The following RRN3 variants were observed in gnomAD, a reference collection of about 807,000 sequenced individuals.
The protein encoded by RRN3 is RNA polymerase I transcription factor RRN3.
Under a neutral mutation model 82.3 loss-of-function variants are expected in RRN3, and 38 were observed. The observed-to-expected ratio is 0.46, with a 90% CI of 0.36 to 0.61. The LOEUF (loss-of-function observed/expected upper bound fraction) is 0.61, where lower values mean the gene tolerates loss of function less well. Ranked by LOEUF, RRN3 falls within the 20% of genes least tolerant of loss-of-function variation. The pLI is 0.00. For missense variants in RRN3, 726 were observed against 793.1 expected, an observed-to-expected ratio of 0.92 and a Z score of 1.02; for synonymous variants, 284 against 284.3, an observed-to-expected ratio of 1.00 and a Z score of 0.01.
At chr16:15,077,690 A>G (rs1428634036) in intron 9 of RRN3, among the ~76,000 whole-genome samples, 3 of 152,122 alleles carry the variant, frequency 2.0e-5, no homozygotes, top group African/African-American at 4.8e-5. Context: ...AAATACAAAA[A>G]ATTAGCCGGG....
intron 3 of RRN3, among the ~76,000 whole-genome samples, chr16:15,089,497 T>C (rs1351851604): frequency 1.3e-5 from 2 of 151,750 alleles, no homozygotes; most frequent in African/African-American, 2.4e-5. Flanking sequence ...TATCAAGAAA[T>C]ACTAGCGATT....
rs1273359479 is a variant in RRN3 at position 15,062,037 on chromosome 16, A to T, written c.1795-132T>A. 8.6e-6 allele frequency: 8 copies of T among 927,688 alleles called. No individual in the cohort carries two copies. In the Admixed American group the frequency reaches 2.1e-4, roughly 24 times the overall value. The allele number at this position is 927,688 out of a possible 1,614,324, so 57.5% of individuals were successfully genotyped here. The stretch of plus-strand genomic sequence containing the variant: ...AATATCTTAATTTCAAAAGAAAGCC[A>T]GTGTAGTGGCACACGCCTGTAGTCC... On this transcript the variant is annotated intron_variant, in intron 17 of 17. Coordinates refer to ENST00000198767, the MANE Select transcript of RRN3 (RefSeq NM_018427.5).
chr16:15,077,573 G>A (rs1424839318), intron 9 of RRN3, among the ~76,000 whole-genome samples: 2 of 152,214 alleles, frequency 1.3e-5, no homozygotes, highest in Non-Finnish European at 1.5e-5. Context: ...CAGGTGCAGT[G>A]GCTCACGCCT....
chr16:15,077,714 G>A (rs1215585381), intron 9 of RRN3, among the ~76,000 whole-genome samples: 3 of 152,174 alleles, frequency 2.0e-5, no homozygotes, highest in African/African-American at 7.2e-5. Context: ...GGTGGCATGT[G>A]CCTGTAATCC....
At chr16:15,080,471 C>G (rs554521105) in intron 8 of RRN3, among the ~76,000 whole-genome samples, 1 of 152,276 alleles carries the variant, frequency 6.6e-6, no homozygotes, top group South Asian at 2.1e-4. Flanking sequence ...GTCTTGCTCT[C>G]TCTCTCAGGA....
rs537801538 is a variant in RRN3 at position 15,068,973 on chromosome 16, A to G, written c.1445-696T>C. ...GGATGTCACAGCTTACAAAAACAAG[A>G]TATTTAATCCAGATTCCTGGCATTA... is the stretch of plus-strand genomic sequence containing the variant. On this transcript the variant is annotated intron_variant, in intron 14 of 17. Transcript: ENST00000198767. Among the ~76,000 whole-genome samples, 6 of 152,360 alleles carry G rather than the reference A, an allele frequency of 3.9e-5. 1 individual carries two copies. In the South Asian group the frequency reaches 1.0e-3, roughly 26 times the overall value.
rs1279128637 is a variant in RRN3, at chr16:15,060,208, T to A, written c.*1536A>T. The A allele has an allele frequency of 5.1e-6, 2 of 393,624 alleles. No homozygotes were observed. The highest frequency in any genetic ancestry group is 2.1e-5 in the African/African-American group (1 of 47,598). The allele number at this position is 393,624 out of a possible 1,614,324, so 24.4% of individuals were successfully genotyped here. ...AACCCACAAAGACCCCACTTACTAC[T>A]AATTTCTGGGGAATTTCGTTTACTC... On this transcript the variant is annotated 3_prime_UTR_variant, in exon 18 of 18. Transcript: ENST00000198767.
chr16:15,080,431 C>T (rs553607651), intron 8 of RRN3, among the ~76,000 whole-genome samples: 2 of 152,220 alleles, frequency 1.3e-5, no homozygotes, highest in South Asian at 4.2e-4. Flanking sequence ...TAATCAATTT[C>T]AGAACATTTA....
At chr16:15,085,461 C>A (rs1414480235) in intron 6 of RRN3, among the ~76,000 whole-genome samples, 178 bp downstream of exon 6, 2 of 152,056 alleles carry the variant, frequency 1.3e-5, no homozygotes, top group Non-Finnish European at 2.9e-5. Context: ...CTACTTTAAG[C>A]CTTTTTTAAG....
rs1266296473 is a variant in RRN3, at chr16:15,063,258, A to G, written c.1732T>C (p.Tyr578His). The change falls in exon 17 of 18, where the codon TAT (tyrosine) becomes CAT (histidine). Residue 578 changes from tyrosine (Y) to histidine (H), a missense_variant. Physicochemically the swap from Tyr to His is moderately conservative, Grantham distance 83. Coordinates refer to ENST00000198767, the MANE Select transcript of RRN3 (RefSeq NM_018427.5). ...KRSKKFIDPIYQVWEDMSAEE... is the reference protein window; with the variant it reads ...KRSKKFIDPIHQVWEDMSAEE... ...GCACTCATGTCTTCCCACACCTGATAAATAGGATCAATGAATTTCTTTGAC... is the reference window on the plus strand; with the variant it reads ...GCACTCATGTCTTCCCACACCTGATGAATAGGATCAATGAATTTCTTTGAC... The G allele has an allele frequency of 6.2e-7, 1 of 1,613,382 alleles. No homozygotes were observed. Among genetic ancestry groups the G allele is most frequent in the South Asian group, 1.1e-5 (1 of 91,056 alleles).
intron 17 of RRN3, among the ~76,000 whole-genome samples, 196 bp downstream of exon 17, chr16:15,063,000 C>T (rs1393810343): frequency 3.3e-5 from 5 of 152,178 alleles, no homozygotes; most frequent in East Asian, 1.9e-4. Flanking sequence ...TGCACCACCA[C>T]GCCCAGCTAA....
intron 10 of RRN3, among the ~76,000 whole-genome samples, chr16:15,075,394 G>T (rs1221194805): frequency 6.6e-6 from 1 of 152,074 alleles, no homozygotes; most frequent in Non-Finnish European, 1.5e-5. Context: ...GCAACACAGT[G>T]AGACCTGTCT....
At chr16:15,076,717 G>A in intron 9 of RRN3, 67 bp from the exon 10 acceptor site, 2 of 1,163,390 alleles carry the variant, frequency 1.7e-6, no homozygotes, top group Non-Finnish European at 2.6e-6. Context: ...ATTTTGGGAT[G>A]GAAATTCATC....
chr16:15,085,562 C>G, intron 6 of RRN3, 77 bp downstream of exon 6: 1 of 1,574,184 alleles, frequency 6.4e-7, no homozygotes, highest in Non-Finnish European at 8.6e-7. Context: ...AAGTGATCCT[C>G]CCGTCTTGGC....
chr16:15,077,899 G>C (rs2045533689), intron 9 of RRN3, among the ~76,000 whole-genome samples: 1 of 152,150 alleles, frequency 6.6e-6, no homozygotes, highest in Non-Finnish European at 1.5e-5. Context: ...TTTATCAGCA[G>C]TGTGAAAATG....
chr16:15,093,970 T>G lies in RRN3; in HGVS notation c.89+175A>C. On this transcript the variant is annotated intron_variant, in intron 1 of 17. Coordinates refer to ENST00000198767, the MANE Select transcript of RRN3 (RefSeq NM_018427.5). ...TAGTCACTTTTCCAGGCCCCACCCA[T>G]GTCTATTACCCAGTTAGGAGGAATG... 4.7e-6 allele frequency: 3 copies of G among 642,376 alleles called. No individual in the cohort carries two copies. The South Asian group carries it at 5.4e-5, about 12-fold the overall frequency. The allele number at this position is 642,376 out of a possible 1,614,324, so 39.8% of individuals were successfully genotyped here.
intron 5 of RRN3, 109 bp from the exon 6 acceptor site, chr16:15,085,807 T>G: frequency 2.0e-6 from 3 of 1,465,704 alleles, no homozygotes; most frequent in Non-Finnish European, 2.8e-6. Context: ...AAAAAGTTAT[T>G]TTTCCATAAT....
At chr16:15,078,100 A>G (rs540541909) in intron 9 of RRN3, among the ~76,000 whole-genome samples, 4 of 152,288 alleles carry the variant, frequency 2.6e-5, no homozygotes, top group Admixed American at 2.6e-4. Context: ...TCTATGCTTG[A>G]CCTTCTTTGT....
chr16:15,085,753 G>C, intron 5 of RRN3, 55 bp from the exon 6 acceptor site: 1 of 1,604,764 alleles, frequency 6.2e-7, no homozygotes, highest in Non-Finnish European at 8.5e-7. Context: ...ACAATGAATG[G>C]CTATACAAAA....
Sources: allele counts gnomAD v4.1 joint callset (sites outside exome capture counted in the v4.1 genomes callset), GRCh38; gene constraint gnomAD v4.1.1; transcripts MANE v1.5; gene names NCBI Gene and HGNC (gene_info 2026-07-23, HGNC 2026-07-21).